EYA1: variants seen among roughly 807,000 people sequenced by gnomAD.
EYA1 encodes the protein EYA transcriptional coactivator and phosphatase 1.
In EYA1, 16 loss-of-function variants were observed where a neutral mutation model predicts 82.0. That is an observed-to-expected ratio of 0.20 (90% CI 0.13 to 0.30). The LOEUF is 0.30. Among genes scored for constraint, EYA1 ranks in the 10% least tolerant of loss-of-function variants. EYA1 has a pLI of 1.00. For missense variants in EYA1, 633 were observed against 730.7 expected, an observed-to-expected ratio of 0.87 and a Z score of 1.54; for synonymous variants, 261 against 264.4, an observed-to-expected ratio of 0.99 and a Z score of 0.12.
At chr8:71,545,039 A>C (rs1265512328) in intron 1 of EYA1, among the ~76,000 whole-genome samples, 1 of 152,230 alleles carries the variant, frequency 6.6e-6, no homozygotes, top group East Asian at 1.9e-4. Flanking sequence ...GAATGGGAGA[A>C]AGCTAAAAGC....
intron 2 of EYA1, among the ~76,000 whole-genome samples, chr8:71,434,068 T>C (rs546465917): frequency 1.3e-5 from 2 of 152,280 alleles, no homozygotes; most frequent in East Asian, 3.9e-4. Context: ...ATGGATTGGA[T>C]GTGAGGTGTG....
chr8:71,363,156 C>A (rs371687267), upstream of EYA1, among the ~76,000 whole-genome samples: 6 of 151,818 alleles, frequency 4.0e-5, no homozygotes, highest in South Asian at 1.0e-3. Context: ...AAAAAAAAAG[C>A]GTCCTCATTT....
intron 3 of EYA1, among the ~76,000 whole-genome samples, chr8:71,337,564 G>T (rs568561709): frequency 6.6e-6 from 1 of 152,268 alleles, no homozygotes; most frequent in African/African-American, 2.4e-5. Context: ...TGGTCTTGAA[G>T]TCAGAGAATC....
intron 2 of EYA1, among the ~76,000 whole-genome samples, chr8:71,468,524 A>G (rs912729624): frequency 6.6e-6 from 1 of 152,216 alleles, no homozygotes; most frequent in Non-Finnish European, 1.5e-5. Flanking sequence ...CAAAAACATT[A>G]CAAACATGCA....
At chr8:71,208,331 C>G (rs2128825838) in intron 17 of EYA1, among the ~76,000 whole-genome samples, 1 of 152,230 alleles carries the variant, frequency 6.6e-6, no homozygotes, top group African/African-American at 2.4e-5. Context: ...ACTTAGGAGA[C>G]TGAGGCAGGA....
At chr8:71,287,092 G>A (rs1586188056) in intron 9 of EYA1, among the ~76,000 whole-genome samples, 1 of 151,658 alleles carries the variant, frequency 6.6e-6, no homozygotes, top group Non-Finnish European at 1.5e-5. Flanking sequence ...GAGACACCCC[G>A]CTTGGCCTAA....
intron 2 of EYA1, among the ~76,000 whole-genome samples, chr8:71,399,180 C>T (rs114167909): frequency 0.028 from 4,319 of 152,204 alleles, 231 homozygotes; most frequent in African/African-American, 0.096. Flanking sequence ...CTGATTTTCC[C>T]GGTACCGTCT....
chr8:71,203,734 A>G (rs1410929465), intron 17 of EYA1, among the ~76,000 whole-genome samples: 1 of 152,174 alleles, frequency 6.6e-6, no homozygotes, highest in Non-Finnish European at 1.5e-5. Flanking sequence ...AGGTGGGGGC[A>G]TTTTAAGCAA....
At chr8:71,500,082 C>G (rs1811706363) in intron 2 of EYA1, among the ~76,000 whole-genome samples, 1 of 152,148 alleles carries the variant, frequency 6.6e-6, no homozygotes, top group East Asian at 1.9e-4. Flanking sequence ...TTTAATTGTG[C>G]TCTCCATGTC....
intron 2 of EYA1, among the ~76,000 whole-genome samples, chr8:71,527,896 T>A (rs994894219): frequency 6.6e-6 from 1 of 152,172 alleles, no homozygotes; most frequent in Non-Finnish European, 1.5e-5. Flanking sequence ...TTAATTGTAT[T>A]ATTGCTATAC....
intron 2 of EYA1, among the ~76,000 whole-genome samples, chr8:71,385,684 C>T (rs959219184): frequency 2.0e-5 from 3 of 152,172 alleles, no homozygotes; most frequent in African/African-American, 7.2e-5. Flanking sequence ...AGAAGGAATA[C>T]TTAAACCCAA....
intron 2 of EYA1, among the ~76,000 whole-genome samples, chr8:71,525,739 C>CA (rs1813760705): frequency 1.3e-5 from 2 of 152,008 alleles, no homozygotes; most frequent in African/African-American, 4.8e-5. Context: ...CCTGGCAGAG[C>CA]AAAAAAACCT....
In EYA1 at chr8:71,541,618, A is replaced by C. The variant is rs147862090; in HGVS notation, c.-72-5770T>G. Among the ~76,000 whole-genome samples, 400 of 152,362 alleles carry C rather than the reference A, an allele frequency of 2.6e-3. 2 individuals are homozygous for C. Among genetic ancestry groups the C allele is most frequent in the African/African-American group, 9.1e-3 (379 of 41,586 alleles). On this transcript the variant is annotated intron_variant, in intron 1 of 18. Coordinates refer to the EYA1 transcript ENST00000643681. Reference sequence around the variant, plus strand: ...GTGAACAACATTAAGAAAACTCTAAATAAGTGACAATTGATTATGATTGAT... The same window carrying C: ...GTGAACAACATTAAGAAAACTCTAACTAAGTGACAATTGATTATGATTGAT...
intron 2 of EYA1, among the ~76,000 whole-genome samples, chr8:71,524,083 T>C (rs1002425871): frequency 1.3e-5 from 2 of 152,230 alleles, no homozygotes; most frequent in Non-Finnish European, 2.9e-5. Context: ...ATTTATAAGT[T>C]ATTTGAGTTC....
intron 9 of EYA1, among the ~76,000 whole-genome samples, chr8:71,283,942 A>G (rs1210373335): frequency 6.6e-6 from 1 of 152,210 alleles, no homozygotes; most frequent in Admixed American, 6.5e-5. Context: ...TAATCAAAAT[A>G]AAGGTCTGCC....
chr8:71,253,038 G>C (rs1213857145), intron 11 of EYA1, among the ~76,000 whole-genome samples: 2 of 152,064 alleles, frequency 1.3e-5, no homozygotes, highest in Non-Finnish European at 2.9e-5. Flanking sequence ...CAAATTTAGT[G>C]CCTTCAATGT....
chr8:71,420,501 A>G (rs1160981923), intron 2 of EYA1, among the ~76,000 whole-genome samples: 2 of 152,210 alleles, frequency 1.3e-5, no homozygotes, highest in Non-Finnish European at 2.9e-5. Context: ...ACATTTTTCT[A>G]TGTACCACTA....
chr8:71,530,251 G>C (rs1348222786), intron 2 of EYA1, among the ~76,000 whole-genome samples: 1 of 152,180 alleles, frequency 6.6e-6, no homozygotes, highest in Non-Finnish European at 1.5e-5. Context: ...GCAGCTACAA[G>C]TCACAGAAAG....
intron 2 of EYA1, among the ~76,000 whole-genome samples, chr8:71,506,429 T>C (rs1232728497): frequency 6.6e-6 from 1 of 152,202 alleles, no homozygotes; most frequent in Non-Finnish European, 1.5e-5. Context: ...GCAAAATATT[T>C]TTTTCCTGAC....
Sources: gnomAD v4.1 joint callset for allele counts (sites outside exome capture counted in the v4.1 genomes callset) on GRCh38, gnomAD v4.1.1 for gene constraint, MANE v1.5 for transcripts, NCBI Gene and HGNC (gene_info 2026-07-23, HGNC 2026-07-21) for gene names.